The following HIVEP3 variants were observed in gnomAD, a reference collection of about 807,000 sequenced individuals.
The protein encoded by HIVEP3 is transcription factor HIVEP3.
In HIVEP3, 49 loss-of-function variants were observed where a neutral mutation model predicts 152.8. The observed-to-expected ratio is 0.32, with a 90% confidence interval of 0.26 to 0.41. The LOEUF (loss-of-function observed/expected upper bound fraction) is 0.41. Among genes scored for constraint, HIVEP3 ranks in the 10% least tolerant of loss-of-function variants. HIVEP3 has a pLI of 1.00. For missense variants in HIVEP3, 2,790 were observed against 3,103.3 expected (o/e 0.90, Z 2.40); for synonymous variants, 1,269 against 1,289.0 (o/e 0.98, Z 0.33).
chr1:41,915,877 G>T (rs535606400), intron 1 of HIVEP3, among the ~76,000 whole-genome samples: 1 of 152,270 alleles, frequency 6.6e-6, no homozygotes, highest in South Asian at 2.1e-4. Context: ...TTCCAGCCCT[G>T]CCCGCCTAGT....
chr1:41,563,278 C>T (rs1021635873), intron 5 of HIVEP3, among the ~76,000 whole-genome samples: 3 of 151,628 alleles, frequency 2.0e-5, no homozygotes, highest in Admixed American at 6.6e-5. Flanking sequence ...ACCCAGGAGG[C>T]GGAGGTGGCA....
intron 2 of HIVEP3, among the ~76,000 whole-genome samples, chr1:41,682,784 G>C (rs1030111395): frequency 6.6e-6 from 1 of 152,134 alleles, no homozygotes; most frequent in Non-Finnish European, 1.5e-5. Context: ...TGCTCTGGGG[G>C]ACTCATTTCT....
chr1:41,986,837 A>G (rs528304653), intron 1 of HIVEP3, among the ~76,000 whole-genome samples: 1 of 152,230 alleles, frequency 6.6e-6, no homozygotes, highest in South Asian at 2.1e-4. Flanking sequence ...AATGAATACT[A>G]TTTATCAAAT....
chr1:41,946,032 A>G (rs1394456052), intron 1 of HIVEP3, among the ~76,000 whole-genome samples: 1 of 152,146 alleles, frequency 6.6e-6, no homozygotes, highest in South Asian at 2.1e-4. Context: ...AAACGGGATT[A>G]AAAAAAGGCC....
At chr1:41,754,393 CACA>C (rs1266081302) in intron 1 of HIVEP3, among the ~76,000 whole-genome samples, 1 of 152,162 alleles carries the variant, frequency 6.6e-6, no homozygotes, top group Admixed American at 6.6e-5. Flanking sequence ...GGGAGGCTAT[CACA>C]ACAATAGTCT....
Position 41,564,504 on chromosome 1 carries a change from C to T in HIVEP3, c.5207+11040G>A, listed in dbSNP as rs183275918. On this transcript the variant is annotated intron_variant, in intron 5 of 8. Transcript: ENST00000372583. Reference sequence around the variant, plus strand: ...CACACCAAGACCCATCACTGTGAGACGTCATGTTCTAGGGTTGTAGAGAAG... The same window carrying T: ...CACACCAAGACCCATCACTGTGAGATGTCATGTTCTAGGGTTGTAGAGAAG... Among the ~76,000 whole-genome samples the T allele has an allele frequency of 2.0e-3, 299 of 152,256 alleles. 1 individual carries two copies. Among genetic ancestry groups the T allele is most frequent in the African/African-American group, 6.7e-3 (277 of 41,546 alleles).
intron 5 of HIVEP3, among the ~76,000 whole-genome samples, chr1:41,571,412 G>T (rs1644250029): frequency 6.6e-6 from 1 of 152,252 alleles, no homozygotes; most frequent in Non-Finnish European, 1.5e-5. Context: ...GGTGCTGGGT[G>T]AGAGAGCCAT....
chr1:41,948,308 T>G (rs908129674), intron 1 of HIVEP3, among the ~76,000 whole-genome samples: 8 of 152,130 alleles, frequency 5.3e-5, no homozygotes, highest in African/African-American at 1.9e-4. Context: ...AAAGGGTAAA[T>G]ATATATACAG....
intron 8 of HIVEP3, among the ~76,000 whole-genome samples, chr1:41,512,442 C>T (rs1391949613): frequency 6.6e-6 from 1 of 152,218 alleles, no homozygotes; most frequent in Non-Finnish European, 1.5e-5. Context: ...CAGATGCTGG[C>T]ACCACGCTTC....
intron 1 of HIVEP3, among the ~76,000 whole-genome samples, chr1:41,813,494 TACCGC>T (rs1651088512): frequency 6.6e-6 from 1 of 151,974 alleles, no homozygotes; most frequent in Non-Finnish European, 1.5e-5. Context: ...TGCACCCACA[TACCGC>T]CTTGCAATTG....
At chr1:41,836,276 G>A (rs1643120007) in intron 1 of HIVEP3, among the ~76,000 whole-genome samples, 1 of 152,206 alleles carries the variant, frequency 6.6e-6, no homozygotes, top group Non-Finnish European at 1.5e-5. Flanking sequence ...GACTGTCCCT[G>A]CTGAGCAGCT....
chr1:41,547,857 C>T (rs887463171), intron 5 of HIVEP3, among the ~76,000 whole-genome samples: 2 of 152,226 alleles, frequency 1.3e-5, no homozygotes, highest in Non-Finnish European at 2.9e-5. Flanking sequence ...CGGACACCTT[C>T]CACCTGACCA....
rs1644400590 is a variant in HIVEP3 at position 41,507,959 on chromosome 1, G to A, written c.*2492C>T. On this transcript the variant is annotated 3_prime_UTR_variant, in exon 9 of 9. Coordinates refer to ENST00000372583, the MANE Select transcript of HIVEP3 (RefSeq NM_024503.5). The stretch of plus-strand genomic sequence containing the variant: ...TAGAAATAGTCTCCAGTGACTCCTG[G>A]CCCCTGTGGCTTCTCTGCCTGAGCC... 1 of 152,342 alleles carries A rather than the reference G, an allele frequency of 6.6e-6. No homozygotes were observed. The highest frequency in any genetic ancestry group is 1.5e-5 in the Non-Finnish European group (1 of 68,148). 9.4% of individuals were successfully genotyped at this position (152,342 alleles called of 1,614,324 possible).
At chr1:41,667,018 C>T (rs1233162709) in intron 2 of HIVEP3, among the ~76,000 whole-genome samples, 1 of 152,196 alleles carries the variant, frequency 6.6e-6, no homozygotes, top group African/African-American at 2.4e-5. Flanking sequence ...CCTTCCAGGC[C>T]AGCTCAGAGG....
chr1:41,540,600 C>T (rs984452995), intron 5 of HIVEP3, among the ~76,000 whole-genome samples: 1 of 152,150 alleles, frequency 6.6e-6, no homozygotes, highest in Admixed American at 6.5e-5. Flanking sequence ...GATCTGTTCC[C>T]CACCAGTTAA....
At chr1:41,888,909 T>C (rs1338446292) in intron 1 of HIVEP3, among the ~76,000 whole-genome samples, 1 of 113,666 alleles carries the variant, frequency 8.8e-6, no homozygotes, top group African/African-American at 3.5e-5. Context: ...ACGTACACCA[T>C]ATACCTCACA....
At chr1:41,757,091 AATTATTATTATTATTATT>A (rs147789740) in intron 1 of HIVEP3, among the ~76,000 whole-genome samples, 2 of 136,534 alleles carry the variant, frequency 1.5e-5, no homozygotes, top group South Asian at 2.4e-4. Flanking sequence ...GTCTCTAAAA[AATTATTATTATTATTATT>A]ATTATTATTA....
intron 2 of HIVEP3, among the ~76,000 whole-genome samples, chr1:41,644,693 CTTTTT>C (rs60511656): frequency 3.9e-4 from 29 of 74,730 alleles, no homozygotes; most frequent in South Asian, 2.1e-3. Context: ...CATATCTGTT[CTTTTT>C]TTTTTTTTTT....
intron 1 of HIVEP3, among the ~76,000 whole-genome samples, chr1:41,900,195 C>G (rs917521411): frequency 3.1e-4 from 47 of 152,332 alleles, no homozygotes; most frequent in African/African-American, 9.9e-4. Flanking sequence ...GCCGGCTTTA[C>G]TCTTTAATCT....
Sources: allele counts gnomAD v4.1 joint callset (sites outside exome capture counted in the v4.1 genomes callset), GRCh38; gene constraint gnomAD v4.1.1; transcripts MANE v1.5; gene names NCBI Gene and HGNC (gene_info 2026-07-23, HGNC 2026-07-21).